Variants in B3GALT1 observed in about 807,000 individuals in gnomAD.
B3GALT1 encodes the protein beta-1,3-galactosyltransferase 1.
A neutral mutation model predicts 23.2 loss-of-function variants in B3GALT1; 10 were observed. That is an observed-to-expected ratio of 0.43 (90% CI 0.27 to 0.73). The LOEUF (loss-of-function observed/expected upper bound fraction) is 0.73, where lower values mean the gene tolerates loss of function less well. Ranked by LOEUF, B3GALT1 falls within the 30% of genes least tolerant of loss-of-function variation. B3GALT1 has a pLI of 0.21. For missense variants in B3GALT1, 299 were observed against 405.4 expected (o/e 0.74, Z 2.25); for synonymous variants, 156 against 141.5 (o/e 1.10, Z -0.73).
At chr2:167,664,037 A>T (rs1412473240) in intron 3 of B3GALT1, among the ~76,000 whole-genome samples, 4 of 150,846 alleles carry the variant, frequency 2.7e-5, no homozygotes, top group Admixed American at 2.0e-4. Flanking sequence ...GTCCTTGCCC[A>T]TGCCTATGTC....
At chr2:167,806,998 T>C (rs1196935127) in intron 3 of B3GALT1, among the ~76,000 whole-genome samples, 3 of 152,178 alleles carry the variant, frequency 2.0e-5, no homozygotes, top group African/African-American at 7.2e-5. Flanking sequence ...CAGATCCTGT[T>C]ATTGGTCTAT....
intron 1 of B3GALT1, among the ~76,000 whole-genome samples, chr2:167,376,771 T>A (rs60588159): frequency 0.017 from 2,609 of 152,246 alleles, 77 homozygotes; most frequent in African/African-American, 0.06. Flanking sequence ...ATCAATCTTG[T>A]TTATCCTTTC....
chr2:167,538,488 G>A lies in B3GALT1; in HGVS notation c.-410+48211G>A, dbSNP rs190064023. On this transcript the variant is annotated intron_variant, in intron 2 of 4. Coordinates refer to ENST00000392690, the MANE Select transcript of B3GALT1 (RefSeq NM_020981.4). ...AAATATTGGTGAGGACACATTAAGG[G>A]TGTGATTTCAATCTCTGTAAGTATT... Among the ~76,000 whole-genome samples, 103 of 152,224 alleles carry A rather than the reference G, an allele frequency of 6.8e-4. 2 individuals carry two copies. The highest frequency in any genetic ancestry group is 3.7e-3 in the Admixed American group (56 of 15,292).
chr2:167,441,311 A>G (rs1036915527), intron 1 of B3GALT1, among the ~76,000 whole-genome samples: 1 of 152,196 alleles, frequency 6.6e-6, no homozygotes, highest in African/African-American at 2.4e-5. Flanking sequence ...AGCTGGAGCA[A>G]ACTCTGAAGT....
intron 1 of B3GALT1, among the ~76,000 whole-genome samples, chr2:167,394,535 TG>T (rs1215685696): frequency 1.3e-5 from 2 of 151,856 alleles, no homozygotes; most frequent in African/African-American, 4.9e-5. Flanking sequence ...AATAAAGGGT[TG>T]TTTTTTTTTA....
intron 2 of B3GALT1, among the ~76,000 whole-genome samples, chr2:167,613,462 A>G (rs1685105088): frequency 6.6e-6 from 1 of 151,354 alleles, no homozygotes; most frequent in African/African-American, 2.4e-5. Context: ...ATTTTATATA[A>G]TATACTAGAA....
chr2:167,728,702 T>G (rs983710209), intron 3 of B3GALT1, among the ~76,000 whole-genome samples: 2 of 152,232 alleles, frequency 1.3e-5, no homozygotes, highest in Admixed American at 1.3e-4. Flanking sequence ...TTATGTGGTA[T>G]TTCCATATCA....
At chr2:167,415,110 T>C (rs1698447958) in intron 1 of B3GALT1, among the ~76,000 whole-genome samples, 1 of 152,204 alleles carries the variant, frequency 6.6e-6, no homozygotes, top group Non-Finnish European at 1.5e-5. Context: ...TGAATGTTTG[T>C]CCCCTCCAAA....
chr2:167,837,724 AT>A (rs1488718636), intron 4 of B3GALT1, among the ~76,000 whole-genome samples: 1 of 146,978 alleles, frequency 6.8e-6, no homozygotes, highest in African/African-American at 2.5e-5. Flanking sequence ...CAGAATATAC[AT>A]TTTTTTCAGC....
intron 1 of B3GALT1, among the ~76,000 whole-genome samples, chr2:167,366,470 A>G (rs886664694): frequency 4.6e-5 from 7 of 152,326 alleles, no homozygotes; most frequent in Admixed American, 3.3e-4. Flanking sequence ...GGGAACACCA[A>G]TAGCCAAGCA....
intron 1 of B3GALT1, among the ~76,000 whole-genome samples, chr2:167,396,008 C>T (rs1261460041): frequency 6.6e-6 from 1 of 151,976 alleles, no homozygotes; most frequent in African/African-American, 2.4e-5. Context: ...TACCCTCACC[C>T]CTCCAGAGAA....
chr2:167,690,811 C>T (rs1029785224), intron 3 of B3GALT1, among the ~76,000 whole-genome samples: 2 of 152,054 alleles, frequency 1.3e-5, no homozygotes, highest in Non-Finnish European at 2.9e-5. Flanking sequence ...ATTATTTGTT[C>T]AATAGAAGCT....
chr2:167,774,885 ACAAT>A (rs1188970824), intron 3 of B3GALT1, among the ~76,000 whole-genome samples: 2 of 152,200 alleles, frequency 1.3e-5, no homozygotes, highest in African/African-American at 2.4e-5. Context: ...AAACTCACTA[ACAAT>A]CAAAGGAATG....
intron 3 of B3GALT1, among the ~76,000 whole-genome samples, chr2:167,662,108 CAG>C (rs1451418526): frequency 6.7e-6 from 1 of 148,748 alleles, no homozygotes; most frequent in Admixed American, 6.7e-5. Context: ...TTCAGCAAGA[CAG>C]AGAATTACAA....
At chr2:167,320,597 C>A (rs77584660) in intron 1 of B3GALT1, among the ~76,000 whole-genome samples, 1,691 of 152,120 alleles carry the variant, frequency 0.011, 27 homozygotes, top group Non-Finnish European at 0.017. Context: ...GCCACTATTA[C>A]CTCTTTGCTC....
intron 2 of B3GALT1, among the ~76,000 whole-genome samples, chr2:167,565,576 C>T (rs2105395180): frequency 6.6e-6 from 1 of 152,116 alleles, no homozygotes; most frequent in East Asian, 1.9e-4. Context: ...AGGCAACCTA[C>T]AAAATGGGAG....
intron 1 of B3GALT1, among the ~76,000 whole-genome samples, chr2:167,426,909 A>G (rs1435657262): frequency 6.6e-6 from 1 of 152,234 alleles, no homozygotes; most frequent in Non-Finnish European, 1.5e-5. Flanking sequence ...GCTACAGAAT[A>G]TATACGTTCA....
At chr2:167,517,122 T>A (rs1700110491) in intron 2 of B3GALT1, among the ~76,000 whole-genome samples, 1 of 151,956 alleles carries the variant, frequency 6.6e-6, no homozygotes, top group Non-Finnish European at 1.5e-5. Flanking sequence ...GATGAATATT[T>A]GAATCATTTT....
intron 3 of B3GALT1, among the ~76,000 whole-genome samples, chr2:167,700,007 G>A (rs560525666): frequency 2.6e-4 from 39 of 152,248 alleles, no homozygotes; most frequent in African/African-American, 8.9e-4. Context: ...GCCACCATGC[G>A]CAGCCTAGAC....
Sources: allele counts gnomAD v4.1 joint callset (sites outside exome capture counted in the v4.1 genomes callset), GRCh38; gene constraint gnomAD v4.1.1; transcripts MANE v1.5; gene names NCBI Gene and HGNC (gene_info 2026-07-23, HGNC 2026-07-21).